The following PAK3 variants were observed in gnomAD, a reference collection of about 807,000 sequenced individuals.
PAK3 encodes the protein serine/threonine-protein kinase PAK 3.
Under a neutral mutation model 41.0 loss-of-function variants are expected in PAK3, and 4 were observed. The observed-to-expected ratio is 0.10, with a 90% CI of 0.05 to 0.22. PAK3 has a LOEUF of 0.22. Ranked by LOEUF, PAK3 falls within the 10% of genes least tolerant of loss-of-function variation. The pLI is 1.00. For missense variants in PAK3, 205 were observed against 409.9 expected (o/e 0.50, Z 4.32); for synonymous variants, 146 against 139.6 (o/e 1.05, Z -0.32).
chrX:110,973,089 T>A (rs756705698), intron 1 of PAK3, among the ~76,000 whole-genome samples: 1 of 111,889 alleles, frequency 8.9e-6, no homozygotes, highest in Non-Finnish European at 1.9e-5. Context: ...TAAATTTGAT[T>A]GGTGTACCTG....
chrX:111,173,002 C>T lies in PAK3; in HGVS notation c.767-16C>T. On this transcript the variant is annotated splice_polypyrimidine_tract_variant and intron_variant, in intron 10 of 17. Coordinates refer to ENST00000372007, the MANE Select transcript of PAK3 (RefSeq NM_002578.5). ...CCACCTCCTCCTCTTTTCTTCTCTC[C>T]CCACCCATCTCTTAGGAAGCATTGT... is the stretch of plus-strand genomic sequence containing the variant. The T allele has an allele frequency of 1.0e-6, 1 of 1,004,301 alleles. No homozygotes were observed. The highest frequency in any genetic ancestry group is 1.4e-6 in the Non-Finnish European group (1 of 708,839). The allele number at this position is 1,004,301 out of a possible 1,213,427, so 82.8% of individuals were successfully genotyped here.
intron 1 of PAK3, among the ~76,000 whole-genome samples, chrX:111,006,830 TTTCTTTCTTTCTTTCTTTC>T (rs1468903165): frequency 0.017 from 236 of 13,595 alleles, 1 homozygote; most frequent in South Asian, 0.032. Flanking sequence ...TCTTTCTTTC[TTTCTTTCTTTCTTTCTTTC>T]TTTTTTTTTT....
intron 1 of PAK3, among the ~76,000 whole-genome samples, chrX:111,085,637 T>C (rs766907444): frequency 1.8e-5 from 2 of 111,697 alleles, no homozygotes; most frequent in East Asian, 5.7e-4. Context: ...GGAAGGACTC[T>C]TTAGCAGTGT....
chrX:111,096,980 C>T (rs2093012038), intron 1 of PAK3, among the ~76,000 whole-genome samples: 1 of 109,313 alleles, frequency 9.1e-6, no homozygotes, highest in Admixed American at 9.7e-5. Flanking sequence ...TTTTCTTTAT[C>T]CCCCTCCCCT....
chrX:110,965,778 G>A (rs2091069487), intron 1 of PAK3, among the ~76,000 whole-genome samples: 1 of 112,047 alleles, frequency 8.9e-6, no homozygotes, highest in African/African-American at 3.2e-5. Context: ...TGTGGACTAG[G>A]TACTCTTCTA....
At chrX:111,183,185 C>G (rs2094476930) in intron 11 of PAK3, among the ~76,000 whole-genome samples, 1 of 111,581 alleles carries the variant, frequency 9.0e-6, no homozygotes, top group South Asian at 3.8e-4. Context: ...CTTAACATTT[C>G]TTTGTTTCAA....
chrX:111,123,297 G>A lies in PAK3; in HGVS notation c.175+19G>A. The A allele has an allele frequency of 8.6e-7, 1 of 1,165,061 alleles. No individual in the cohort carries two copies. Among genetic ancestry groups the A allele is most frequent in the Non-Finnish European group, 1.2e-6 (1 of 853,196 alleles). On this transcript the variant is annotated intron_variant, in intron 5 of 17. Coordinates refer to ENST00000372007, the MANE Select transcript of PAK3 (RefSeq NM_002578.5). Reference sequence around the variant, plus strand: ...GATAAAAGTAAAGTATCAGTGGCCGGGCATTGAAAATGGGCTAGTTTATTC... The same window carrying A: ...GATAAAAGTAAAGTATCAGTGGCCGAGCATTGAAAATGGGCTAGTTTATTC...
chrX:111,161,648 G>A (rs1264471976), intron 8 of PAK3, among the ~76,000 whole-genome samples: 4 of 111,180 alleles, frequency 3.6e-5, no homozygotes, highest in Non-Finnish European at 5.6e-5. Flanking sequence ...TTTGTATAAG[G>A]TGTAAGGAAG....
intron 1 of PAK3, among the ~76,000 whole-genome samples, chrX:111,074,916 T>A (rs1452564263): frequency 8.9e-6 from 1 of 111,757 alleles, no homozygotes; most frequent in Non-Finnish European, 1.9e-5. Flanking sequence ...ATTGTGTTCA[T>A]GCCCTAGGGG....
At position 111,178,997 on chromosome X, in the gene PAK3, G is replaced by C. The variant is rs1323381352; in HGVS notation, c.830+5916G>C. Among the ~76,000 whole-genome samples, 3 of 87,495 alleles carry C rather than the reference G, an allele frequency of 3.4e-5. No individual in the cohort carries two copies. The South Asian group carries it at 1.3e-3, about 39-fold the overall frequency. 76.0% of individuals were successfully genotyped at this position (87,495 alleles called of 115,157 possible). A position where few individuals can be genotyped will look rare whatever the true frequency, so the allele number is the denominator to read the frequency against. On this transcript the variant is annotated intron_variant, in intron 11 of 17. Coordinates refer to ENST00000372007, the MANE Select transcript of PAK3 (RefSeq NM_002578.5). ...TATATATATAGAGAGAGAGATATCTGTATATCTATATATCTATATATATAT... is the reference window on the plus strand; with the variant it reads ...TATATATATAGAGAGAGAGATATCTCTATATCTATATATCTATATATATAT...
chrX:111,037,562 C>G (rs1400202868), intron 1 of PAK3, among the ~76,000 whole-genome samples: 1 of 111,358 alleles, frequency 9.0e-6, no homozygotes, highest in East Asian at 2.8e-4. Flanking sequence ...TCAGCGTAAC[C>G]CTGGCAAGAA....
intron 1 of PAK3, among the ~76,000 whole-genome samples, chrX:110,981,437 G>A (rs2091444748): frequency 9.0e-6 from 1 of 111,540 alleles, no homozygotes; most frequent in Non-Finnish European, 1.9e-5. Flanking sequence ...TTTGATAATT[G>A]TGGTTATGTA....
intron 1 of PAK3, among the ~76,000 whole-genome samples, chrX:111,070,484 A>G (rs1053153628): frequency 2.7e-5 from 3 of 111,971 alleles, no homozygotes; most frequent in Admixed American, 9.5e-5. Flanking sequence ...CCTTTGCAGC[A>G]GGGAAATTTT....
At chrX:110,945,054 C>T (rs2148580102) in intron 1 of PAK3, among the ~76,000 whole-genome samples, 1 of 112,379 alleles carries the variant, frequency 8.9e-6, no homozygotes, top group African/African-American at 3.2e-5. Context: ...CAGCTCCAGG[C>T]TAGGCTGCGG....
intron 3 of PAK3, among the ~76,000 whole-genome samples, chrX:111,100,780 G>A (rs1440345614): frequency 2.7e-5 from 3 of 111,629 alleles, no homozygotes; most frequent in Admixed American, 9.5e-5. Context: ...ATTCTGTCAG[G>A]AAGTTGGAAT....
chrX:111,190,156 A>G (rs1235253018), intron 11 of PAK3, among the ~76,000 whole-genome samples: 1 of 111,244 alleles, frequency 9.0e-6, no homozygotes, highest in East Asian at 2.8e-4. Flanking sequence ...CCTATTGATT[A>G]AGTGTGATTT....
chrX:110,967,243 C>G (rs537079931), intron 1 of PAK3, among the ~76,000 whole-genome samples: 2 of 113,034 alleles, frequency 1.8e-5, no homozygotes, highest in African/African-American at 6.4e-5. Context: ...CAAAAGCAAA[C>G]AGATCAGGGA....
At chrX:111,021,029 G>C (rs1436137438) in intron 1 of PAK3, among the ~76,000 whole-genome samples, 2 of 111,614 alleles carry the variant, frequency 1.8e-5, no homozygotes, top group Admixed American at 9.4e-5. Context: ...GCGGAGCTCA[G>C]ACATGCTTAT....
At chrX:111,182,282 A>C (rs764367929) in intron 11 of PAK3, among the ~76,000 whole-genome samples, 7 of 110,450 alleles carry the variant, frequency 6.3e-5, no homozygotes, top group African/African-American at 1.3e-4. Context: ...TTGTGGCCTC[A>C]TTATCACTGG....
Sources: gnomAD v4.1 joint callset for allele counts (sites outside exome capture counted in the v4.1 genomes callset) on GRCh38, gnomAD v4.1.1 for gene constraint, MANE v1.5 for transcripts, NCBI Gene and HGNC (gene_info 2026-07-23, HGNC 2026-07-21) for gene names.